MED13L: variants seen among roughly 807,000 people sequenced by gnomAD.
MED13L encodes the protein mediator complex subunit 13L.
MED13L carries 7 observed loss-of-function variants against 220.9 expected under a neutral mutation model. The ratio of observed to expected loss-of-function variants is 0.03; its 90% CI spans 0.02 to 0.06. The LOEUF (loss-of-function observed/expected upper bound fraction) is 0.06. Ranked by LOEUF, MED13L falls within the 10% of genes least tolerant of loss-of-function variation. The probability of loss-of-function intolerance (pLI) is 1.00; values close to 1 mark genes in which losing one functional copy is unlikely to be tolerated. For synonymous variants in MED13L, 1,011 were observed against 1,015.2 expected, an observed-to-expected ratio of 1.00 and a Z score of 0.08; for missense variants, 1,965 against 2,760.5, an observed-to-expected ratio of 0.71 and a Z score of 6.46.
chr12:116,176,420 CA>C (rs2138202391), intron 2 of MED13L, among the ~76,000 whole-genome samples: 1 of 151,620 alleles, frequency 6.6e-6, no homozygotes, highest in African/African-American at 2.4e-5. Flanking sequence ...TCATCATCAT[CA>C]AAAAAGAACA....
chr12:116,121,827 G>A (rs986564352), intron 2 of MED13L, among the ~76,000 whole-genome samples: 18 of 152,056 alleles, frequency 1.2e-4, no homozygotes, highest in African/African-American at 4.3e-4. Context: ...GTTCAGCAAC[G>A]GCATTGGCCA....
At position 115,974,753 on chromosome 12, in the gene MED13L, T is replaced by C. The variant is rs149745898; in HGVS notation, c.5731+418A>G. Among the ~76,000 whole-genome samples the C allele has an allele frequency of 1.2e-3, 190 of 152,252 alleles. 1 individual carries two copies. The highest frequency in any genetic ancestry group is 4.4e-3 in the African/African-American group (183 of 41,534). ...TTTGCTGTTGTGCCACCAAAAAAAC[T>C]AAAGAAACACAAAACTCATCATCAA... On this transcript the variant is annotated intron_variant, in intron 25 of 30. Transcript: ENST00000281928.
intron 2 of MED13L, among the ~76,000 whole-genome samples, chr12:116,175,175 A>T (rs1879956580): frequency 6.6e-6 from 1 of 152,222 alleles, no homozygotes; most frequent in East Asian, 1.9e-4. Flanking sequence ...TAGAGTTTAT[A>T]TAATTTACCC....
Position 115,991,442 on chromosome 12 carries a change from T to C in MED13L, c.3512A>G (p.Lys1171Arg), listed in dbSNP as rs147863200. ...GAAGAGTCCTGAATTGTAGCCAAGT[T>C]TGCGGTTCATAATCGCACTAAACCC... is the stretch of plus-strand genomic sequence containing the variant. The part of the protein sequence containing the change: ...TCGFSAIMNR[K>R]LGYNSGLFLE... Residue 1171 changes from lysine to arginine, a missense_variant, in exon 17 of 31, where the codon AAA becomes AGA. Transcript: ENST00000281928. The surrounding 1 kb of genome is among the most constrained non-coding windows in gnomAD (Gnocchi z 7.7). 6,946 of 1,614,154 alleles carry C rather than the reference T, an allele frequency of 4.3e-3. 23 individuals carry two copies. Among genetic ancestry groups the C allele is most frequent in the Non-Finnish European group, 5.3e-3 (6,229 of 1,180,016 alleles).
intron 4 of MED13L, among the ~76,000 whole-genome samples, chr12:116,023,808 T>C (rs1024318895): frequency 2.0e-5 from 3 of 152,208 alleles, no homozygotes; most frequent in African/African-American, 7.2e-5. Context: ...AAAAAAAGTT[T>C]TAAAAACCCT....
chr12:116,075,152 T>G (rs1346126786), intron 4 of MED13L, among the ~76,000 whole-genome samples: 1 of 152,234 alleles, frequency 6.6e-6, no homozygotes, highest in African/African-American at 2.4e-5. Context: ...CTTACCTTTT[T>G]CATTTTGGGG....
intron 2 of MED13L, among the ~76,000 whole-genome samples, chr12:116,205,532 G>GAAA (rs34982320): frequency 1.1e-5 from 1 of 94,034 alleles, no homozygotes; most frequent in Non-Finnish European, 2.1e-5. Flanking sequence ...CAAAGGAAGA[G>GAAA]AAAAAAAAAA....
intron 4 of MED13L, among the ~76,000 whole-genome samples, chr12:116,059,660 C>T (rs1406728607): frequency 2.0e-5 from 3 of 152,086 alleles, no homozygotes; most frequent in Non-Finnish European, 4.4e-5. Context: ...TCAGGTGATC[C>T]GCCTGCCTCA....
chr12:116,088,485 C>T (rs897286027), intron 4 of MED13L, among the ~76,000 whole-genome samples: 7 of 152,074 alleles, frequency 4.6e-5, no homozygotes, highest in East Asian at 1.9e-4. Flanking sequence ...TGGGTTGTCA[C>T]GACTGAGGGA....
At chr12:116,042,296 C>T (rs550995202) in intron 4 of MED13L, among the ~76,000 whole-genome samples, 1 of 152,284 alleles carries the variant, frequency 6.6e-6, no homozygotes, top group African/African-American at 2.4e-5. Flanking sequence ...TTGGCTATCC[C>T]TGAAAGTGTA....
chr12:115,982,272 G>T, intron 22 of MED13L, 112 bp downstream of exon 22: 1 of 1,125,862 alleles, frequency 8.9e-7, no homozygotes, highest in Non-Finnish European at 1.3e-6. Flanking sequence ...TTTGGTTAGG[G>T]GATAATTAAC....
chr12:115,979,770 T>A (rs1448175563), intron 23 of MED13L, among the ~76,000 whole-genome samples: 1 of 152,222 alleles, frequency 6.6e-6, no homozygotes, highest in Non-Finnish European at 1.5e-5. Context: ...TGCAATAAAA[T>A]TGTGGGAACT....
At chr12:116,089,535 C>A (rs2137781267) in intron 4 of MED13L, among the ~76,000 whole-genome samples, 2 of 152,178 alleles carry the variant, frequency 1.3e-5, no homozygotes, top group South Asian at 2.1e-4. Flanking sequence ...ATATGGTAGA[C>A]TATAACAGGA....
intron 1 of MED13L, among the ~76,000 whole-genome samples, chr12:116,250,776 C>CAAA (rs772459455): frequency 1.4e-4 from 11 of 76,758 alleles, no homozygotes; most frequent in Non-Finnish European, 2.0e-4. Flanking sequence ...GACTCCTCCT[C>CAAA]AAAAAAAAAA....
At chr12:116,143,538 T>C (rs188745940) in intron 2 of MED13L, among the ~76,000 whole-genome samples, 3 of 152,288 alleles carry the variant, frequency 2.0e-5, no homozygotes, top group Admixed American at 1.3e-4. Flanking sequence ...GTACATTAGC[T>C]AGGTTCCCGG....
intron 14 of MED13L, among the ~76,000 whole-genome samples, chr12:115,997,651 G>A (rs1878491991): frequency 6.6e-6 from 1 of 152,158 alleles, no homozygotes; most frequent in Non-Finnish European, 1.5e-5. Flanking sequence ...CGAACTCCTG[G>A]GCTCAAGTGG....
chr12:116,097,831 GACA>G (rs1162162490), intron 3 of MED13L, among the ~76,000 whole-genome samples: 6 of 152,182 alleles, frequency 3.9e-5, no homozygotes, highest in Admixed American at 1.3e-4. Context: ...CAGCTGAACT[GACA>G]ACAACACAGA....
At chr12:116,011,222 A>G (rs568086264) in intron 9 of MED13L, among the ~76,000 whole-genome samples, 2 of 152,194 alleles carry the variant, frequency 1.3e-5, no homozygotes, top group South Asian at 4.2e-4. Context: ...AAAATACAAG[A>G]CTATGTGAAA....
intron 2 of MED13L, among the ~76,000 whole-genome samples, chr12:116,133,275 T>C (rs79749734): frequency 0.021 from 3,265 of 152,330 alleles, 59 homozygotes; most frequent in Middle Eastern, 0.054. Context: ...CAAAACACAG[T>C]ACTTTCTCTT....
Sources: gnomAD v4.1 joint callset for allele counts (sites outside exome capture counted in the v4.1 genomes callset) on GRCh38, gnomAD v4.1.1 for gene constraint, Gnocchi (gnomAD v3.1) non-coding constraint, MANE v1.5 for transcripts, NCBI Gene and HGNC (gene_info 2026-07-23, HGNC 2026-07-21) for gene names.